Variants in TAFA2 observed in about 807,000 individuals in gnomAD.
The protein encoded by TAFA2 is chemokine-like protein TAFA-2.
In TAFA2, 7 loss-of-function variants were observed where a neutral mutation model predicts 18.8. The observed-to-expected ratio is 0.37, with a 90% CI of 0.21 to 0.70. TAFA2 has a LOEUF of 0.70. Ranked by LOEUF, TAFA2 falls within the 30% of genes least tolerant of loss-of-function variation. TAFA2 has a pLI of 0.53. For synonymous variants in TAFA2, 60 were observed against 54.2 expected, an observed-to-expected ratio of 1.11 and a Z score of -0.47; for missense variants, 122 against 158.1, an observed-to-expected ratio of 0.77 and a Z score of 1.23.
intron 1 of TAFA2, among the ~76,000 whole-genome samples, chr12:62,189,182 A>AT (rs1373100398): frequency 1.3e-5 from 2 of 149,702 alleles, no homozygotes; most frequent in South Asian, 2.1e-4. Flanking sequence ...AAGAATCAAG[A>AT]TTTTCACATA....
intron 2 of TAFA2, among the ~76,000 whole-genome samples, chr12:61,848,616 C>T (rs1027911477): frequency 5.3e-5 from 8 of 151,614 alleles, no homozygotes; most frequent in East Asian, 3.9e-4. Flanking sequence ...TTAAACATAG[C>T]GTGTGGCATC....
Position 61,941,875 on chromosome 12 carries a change from G to A in TAFA2, c.-1-74449C>T, listed in dbSNP as rs937642944. 1.9e-4 allele frequency among the ~76,000 whole-genome samples: 29 copies of A among 152,316 alleles called. 1 individual carries two copies. The highest frequency in any genetic ancestry group is 3.3e-4 in the Admixed American group (5 of 15,300). Reference sequence around the variant, plus strand: ...CTGCAAGGCGGCAGCGAGGCTGGGGGAGGGGCGCCCGCCATTGCCCAGGCT... The same window carrying A: ...CTGCAAGGCGGCAGCGAGGCTGGGGAAGGGGCGCCCGCCATTGCCCAGGCT... On this transcript the variant is annotated intron_variant, in intron 1 of 4. Coordinates refer to ENST00000416284, the MANE Select transcript of TAFA2 (RefSeq NM_178539.5).
intron 4 of TAFA2, among the ~76,000 whole-genome samples, chr12:61,734,505 A>G (rs1310435284): frequency 2.6e-5 from 4 of 151,952 alleles, no homozygotes; most frequent in African/African-American, 9.7e-5. Flanking sequence ...CCTAAAACTT[A>G]AAGTATAATA....
intron 1 of TAFA2, among the ~76,000 whole-genome samples, chr12:61,981,132 A>C (rs896204543): frequency 2.6e-5 from 4 of 152,178 alleles, no homozygotes; most frequent in African/African-American, 9.7e-5. Context: ...GGAACAGAAC[A>C]GAGGCCTCAG....
intron 1 of TAFA2, among the ~76,000 whole-genome samples, chr12:61,997,573 T>C (rs1880239772): frequency 6.6e-6 from 1 of 152,084 alleles, no homozygotes; most frequent in Non-Finnish European, 1.5e-5. Flanking sequence ...GGGGAGGTGG[T>C]GACAAAATTG....
At chr12:62,190,936 C>A (rs1356737144) in intron 1 of TAFA2, among the ~76,000 whole-genome samples, 2 of 152,214 alleles carry the variant, frequency 1.3e-5, no homozygotes, top group African/African-American at 4.8e-5. Flanking sequence ...CTTCAATCCT[C>A]GACCTGGTCG....
At chr12:62,234,246 G>T in intron 1 of TAFA2, 1 of 347,192 alleles carries the variant, frequency 2.9e-6, no homozygotes. Context: ...TCCTCGCCAT[G>T]GGTCCCCACA....
Position 61,879,465 on chromosome 12 carries a change from C to T in TAFA2, c.-1-12039G>A, listed in dbSNP as rs11174211. 3,834 of 693,206 alleles carry T rather than the reference C, an allele frequency of 5.5e-3. 86 individuals are homozygous for T. In the African/African-American group the frequency reaches 0.057, roughly 10 times the overall value. 42.9% of individuals were successfully genotyped at this position (693,206 alleles called of 1,614,324 possible). On this transcript the variant is annotated intron_variant, in intron 1 of 4. Transcript: ENST00000416284. Reference sequence around the variant, plus strand: ...TGGGCAGCAGCAGCTTCCAGGGTGGCCTGGGTGGAGGCTTTGGCGGGGCCA... The same window carrying T: ...TGGGCAGCAGCAGCTTCCAGGGTGGTCTGGGTGGAGGCTTTGGCGGGGCCA...
chr12:61,794,874 T>A (rs10747944), intron 2 of TAFA2, among the ~76,000 whole-genome samples: 132,922 of 152,158 alleles, frequency 0.87, 58,137 homozygotes, highest in African/African-American at 0.92. Flanking sequence ...AAATCAAACA[T>A]ATTTACAAGA....
chr12:62,190,926 C>T (rs2062618442), intron 1 of TAFA2, among the ~76,000 whole-genome samples: 1 of 152,150 alleles, frequency 6.6e-6, no homozygotes, highest in African/African-American at 2.4e-5. Context: ...TTACAACCCA[C>T]TTCAATCCTC....
chr12:62,007,566 T>C (rs1219689000), intron 1 of TAFA2, among the ~76,000 whole-genome samples: 1 of 152,200 alleles, frequency 6.6e-6, no homozygotes, highest in African/African-American at 2.4e-5. Flanking sequence ...CTGCTTTGAA[T>C]GGGAGAGTGA....
intron 1 of TAFA2, among the ~76,000 whole-genome samples, chr12:62,052,406 G>T (rs952371678): frequency 1.3e-5 from 2 of 152,032 alleles, no homozygotes; most frequent in Non-Finnish European, 2.9e-5. Context: ...TCCCCAGGCT[G>T]GTCTTGAACT....
At chr12:62,216,543 A>G (rs2136976097) in intron 1 of TAFA2, among the ~76,000 whole-genome samples, 1 of 152,350 alleles carries the variant, frequency 6.6e-6, no homozygotes, top group South Asian at 2.1e-4. Flanking sequence ...AATGACAGTA[A>G]AGTAAGGCAA....
At chr12:62,046,177 T>C (rs2136766915) in intron 1 of TAFA2, among the ~76,000 whole-genome samples, 1 of 152,274 alleles carries the variant, frequency 6.6e-6, no homozygotes, top group East Asian at 1.9e-4. Flanking sequence ...TTAAAGTGTG[T>C]TTCTGATATT....
chr12:61,923,614 A>G (rs1038467419), intron 1 of TAFA2, among the ~76,000 whole-genome samples: 2 of 152,138 alleles, frequency 1.3e-5, no homozygotes, highest in African/African-American at 2.4e-5. Flanking sequence ...AGGTAGATAA[A>G]TCTACAAAGA....
intron 1 of TAFA2, among the ~76,000 whole-genome samples, chr12:62,083,145 C>G (rs557242671): frequency 6.6e-6 from 1 of 151,390 alleles, no homozygotes; most frequent in Non-Finnish European, 1.5e-5. Context: ...TTCCAGGCAC[C>G]GGGGATTGAA....
At chr12:61,886,222 A>G (rs1038477651) in intron 1 of TAFA2, among the ~76,000 whole-genome samples, 10 of 152,112 alleles carry the variant, frequency 6.6e-5, no homozygotes, top group Non-Finnish European at 1.0e-4. Context: ...AGGAGACCTG[A>G]CCCATTACCA....
intron 1 of TAFA2, among the ~76,000 whole-genome samples, chr12:61,975,776 A>G (rs1879411388): frequency 6.6e-6 from 1 of 151,804 alleles, no homozygotes; most frequent in Non-Finnish European, 1.5e-5. Flanking sequence ...TAGTTAAAAG[A>G]CTAATAAGTT....
At chr12:62,138,455 G>A (rs937521436) in intron 1 of TAFA2, among the ~76,000 whole-genome samples, 8 of 151,894 alleles carry the variant, frequency 5.3e-5, no homozygotes, top group African/African-American at 1.9e-4. Context: ...TTTCATAAGC[G>A]CAGGAATTGT....
Sources: gnomAD v4.1 joint callset for allele counts (sites outside exome capture counted in the v4.1 genomes callset) on GRCh38, gnomAD v4.1.1 for gene constraint, MANE v1.5 for transcripts, NCBI Gene and HGNC (gene_info 2026-07-23, HGNC 2026-07-21) for gene names.